Variants in STK32B observed in about 807,000 individuals in gnomAD.
STK32B encodes the protein serine/threonine kinase 32B.
Under a neutral mutation model 52.6 loss-of-function variants are expected in STK32B, and 43 were observed. That is an observed-to-expected ratio of 0.82 (90% CI 0.64 to 1.05). The LOEUF (loss-of-function observed/expected upper bound fraction) is 1.05, where lower values mean the gene tolerates loss of function less well. Among genes scored for constraint, STK32B ranks in the 50% least tolerant of loss-of-function variants. STK32B has a pLI of 0.00. For synonymous variants in STK32B, 238 were observed against 204.3 expected, an observed-to-expected ratio of 1.17 and a Z score of -1.41; for missense variants, 621 against 534.6, an observed-to-expected ratio of 1.16 and a Z score of -1.59.
chr4:5,162,226 C>G (rs1342671754), intron 2 of STK32B, among the ~76,000 whole-genome samples: 1 of 152,162 alleles, frequency 6.6e-6, no homozygotes, highest in Non-Finnish European at 1.5e-5. Flanking sequence ...GAGCCCTGAC[C>G]ATAAAGGACA....
chr4:5,175,264 C>A (rs1001768661), intron 3 of STK32B, among the ~76,000 whole-genome samples: 1 of 152,062 alleles, frequency 6.6e-6, no homozygotes, highest in Non-Finnish European at 1.5e-5. Context: ...ACCTTCAGCT[C>A]GGAGTAGTTT....
chr4:5,347,327 A>G (rs918633560), intron 4 of STK32B, among the ~76,000 whole-genome samples: 7 of 152,188 alleles, frequency 4.6e-5, no homozygotes, highest in African/African-American at 7.2e-5. Context: ...TTTATTTTCT[A>G]TAAATAAAAA....
At chr4:5,130,669 A>G (rs1003497179) in intron 1 of STK32B, among the ~76,000 whole-genome samples, 3 of 152,038 alleles carry the variant, frequency 2.0e-5, no homozygotes, top group Non-Finnish European at 4.4e-5. Flanking sequence ...GCAACTTGGT[A>G]AACAAAGGGA....
intron 4 of STK32B, among the ~76,000 whole-genome samples, chr4:5,384,999 T>A (rs1225031319): frequency 6.6e-6 from 1 of 152,114 alleles, no homozygotes; most frequent in Non-Finnish European, 1.5e-5. Context: ...GTGTTGCAGA[T>A]GGCAACAGTG....
Position 5,221,006 on chromosome 4 carries a change from A to C in STK32B, c.260+52556A>C, listed in dbSNP as rs1471785821. On this transcript the variant is annotated intron_variant, in intron 3 of 11. Coordinates refer to ENST00000282908, the MANE Select transcript of STK32B (RefSeq NM_018401.3). ...TGGTTTCTGAGTGATTGAGTATCTA[A>C]CATAACTTAGTGTCCTTTGCCTTTT... is the stretch of plus-strand genomic sequence containing the variant. Among the ~76,000 whole-genome samples, 5 of 152,194 alleles carry C rather than the reference A, an allele frequency of 3.3e-5. No homozygotes were observed. In the East Asian group the frequency reaches 5.8e-4, roughly 18 times the overall value.
chr4:5,030,019 A>C, the STK32B span, among the ~76,000 whole-genome samples: 2 of 152,156 alleles, frequency 1.3e-5, no homozygotes, highest in African/African-American at 4.8e-5. Context: ...CTTGTGAAGA[A>C]AGTGCCTTGC....
At position 5,398,094 on chromosome 4, in the gene STK32B, G is replaced by A. The variant is rs1043288884; in HGVS notation, c.435-113G>A. The A allele has an allele frequency of 1.8e-6, 2 of 1,128,080 alleles. No individual in the cohort carries two copies. Among genetic ancestry groups the A allele is most frequent in the Non-Finnish European group, 2.6e-6 (2 of 772,272 alleles). 69.9% of individuals were successfully genotyped at this position (1,128,080 alleles called of 1,614,324 possible). Reference sequence around the variant, plus strand: ...ACTCCATGTCTGAGGCTTCAGGTCAGGGAGAGGTGAGCAGCCTGGGTGTTC... The same window carrying A: ...ACTCCATGTCTGAGGCTTCAGGTCAAGGAGAGGTGAGCAGCCTGGGTGTTC... On this transcript the variant is annotated intron_variant, in intron 4 of 11. Transcript: ENST00000282908. The surrounding 1 kb of genome is among the most constrained non-coding windows in gnomAD (Gnocchi z 4.9).
intron 11 of STK32B, 33 bp downstream of exon 11, chr4:5,468,103 G>T (rs1435227878): frequency 6.2e-7 from 1 of 1,611,064 alleles, no homozygotes; most frequent in East Asian, 2.2e-5. Flanking sequence ...CTTGGGCAAA[G>T]CCTGTCCTAA....
At chr4:5,235,901 C>A (rs1436172660) in intron 3 of STK32B, among the ~76,000 whole-genome samples, 3 of 152,168 alleles carry the variant, frequency 2.0e-5, no homozygotes, top group Non-Finnish European at 4.4e-5. Flanking sequence ...AGGCAGCTTC[C>A]TGCCCATCAC....
At chr4:5,384,151 G>T (rs560735004) in intron 4 of STK32B, among the ~76,000 whole-genome samples, 1 of 152,326 alleles carries the variant, frequency 6.6e-6, no homozygotes, top group East Asian at 1.9e-4. Context: ...GAGGATGGAG[G>T]GGGTAGGCCC....
chr4:5,230,177 C>CATTTTTTT (rs1724153940), intron 3 of STK32B, among the ~76,000 whole-genome samples: 1 of 98,484 alleles, frequency 1.0e-5, no homozygotes, highest in Non-Finnish European at 1.9e-5. Context: ...GCATGCATTC[C>CATTTTTTT]CTTTTTTTTT....
chr4:5,127,921 C>T (rs980019027), intron 1 of STK32B, among the ~76,000 whole-genome samples: 6 of 152,102 alleles, frequency 3.9e-5, no homozygotes, highest in Non-Finnish European at 7.3e-5. Flanking sequence ...AGGAGAGTTC[C>T]CCTACACGAG....
At chr4:5,282,677 A>G (rs1349860424) in intron 3 of STK32B, among the ~76,000 whole-genome samples, 1 of 152,142 alleles carries the variant, frequency 6.6e-6, no homozygotes, top group Non-Finnish European at 1.5e-5. Flanking sequence ...CAGAAGAAGG[A>G]TCATCTACTT....
chr4:5,205,716 G>T (rs1190739833), intron 3 of STK32B, among the ~76,000 whole-genome samples: 2 of 145,640 alleles, frequency 1.4e-5, no homozygotes, highest in Non-Finnish European at 3.1e-5. Context: ...GTGTGTGTGT[G>T]TGTGTGTGTG....
intron 1 of STK32B, among the ~76,000 whole-genome samples, chr4:5,104,980 T>C (rs1714018746): frequency 6.6e-6 from 1 of 152,234 alleles, no homozygotes; most frequent in African/African-American, 2.4e-5. Flanking sequence ...GAGTGAAATT[T>C]CTAGGTCATA....
At chr4:5,182,166 C>A (rs919468270) in intron 3 of STK32B, among the ~76,000 whole-genome samples, 1 of 152,348 alleles carries the variant, frequency 6.6e-6, no homozygotes, top group East Asian at 1.9e-4. Context: ...TGCAACAATT[C>A]AGTGATATCT....
chr4:5,159,300 C>T (rs7667054), intron 2 of STK32B, among the ~76,000 whole-genome samples: 5,266 of 151,932 alleles, frequency 0.035, 154 homozygotes, highest in East Asian at 0.084. Context: ...TAAGGGACTA[C>T]GGAGAAATGC....
rs375643993 is a variant in STK32B, at chr4:5,127,842, T to TG, written c.53-12058dup. 8.4e-3 allele frequency among the ~76,000 whole-genome samples: 1,277 copies of TG among 152,202 alleles called. 18 individuals are homozygous for TG. The highest frequency in any genetic ancestry group is 0.028 in the African/African-American group (1,171 of 41,526). On this transcript the variant is annotated intron_variant, in intron 1 of 11. Coordinates refer to ENST00000282908, the MANE Select transcript of STK32B (RefSeq NM_018401.3). ...GACCTCGTGGGAGGTAATTGAATCA[T>TG]GGGGGTGGGTTTTTCCCAGCTGTTC...
intron 6 of STK32B, among the ~76,000 whole-genome samples, chr4:5,441,898 A>G (rs530758686): frequency 7.9e-6 from 1 of 126,520 alleles, no homozygotes; most frequent in Non-Finnish European, 1.7e-5. Context: ...TTCAGTTTCC[A>G]TGTAGTTGAG....
Sources: gnomAD v4.1 joint callset for allele counts (sites outside exome capture counted in the v4.1 genomes callset) on GRCh38, gnomAD v4.1.1 for gene constraint, Gnocchi (gnomAD v3.1) non-coding constraint, MANE v1.5 for transcripts, NCBI Gene and HGNC (gene_info 2026-07-23, HGNC 2026-07-21) for gene names.